Variants in BMPR1A observed in about 807,000 individuals in gnomAD.
BMPR1A encodes bone morphogenetic protein receptor type 1A.
BMPR1A carries 7 observed loss-of-function variants against 66.0 expected under a neutral mutation model. The ratio of observed to expected loss-of-function variants is 0.11; its 90% CI spans 0.06 to 0.20. BMPR1A has a LOEUF of 0.20. BMPR1A is among the 10% of genes least tolerant of loss of function. BMPR1A has a pLI of 1.00. For missense variants in BMPR1A, 408 were observed against 669.1 expected, an observed-to-expected ratio of 0.61 and a Z score of 4.31; for synonymous variants, 200 against 229.7, an observed-to-expected ratio of 0.87 and a Z score of 1.17.
At chr10:86,763,507 C>T (rs1417733109) in intron 1 of BMPR1A, among the ~76,000 whole-genome samples, 1 of 152,094 alleles carries the variant, frequency 6.6e-6, no homozygotes, top group Non-Finnish European at 1.5e-5. Context: ...TGACTTGCAG[C>T]ACAGTTAGCT....
rs183887956 is a variant in BMPR1A at position 86,783,664 on chromosome 10, C to T, written c.-268+26745C>T. Among the ~76,000 whole-genome samples the T allele has an allele frequency of 1.7e-3, 264 of 152,356 alleles. 1 individual carries two copies. The highest frequency in any genetic ancestry group is 5.8e-3 in the African/African-American group (242 of 41,582). ...AGTGCAGTGGCGTGATCATGGCTCACTGCCACCTCCCACTGCTGGGCTCAA... is the reference window on the plus strand; with the variant it reads ...AGTGCAGTGGCGTGATCATGGCTCATTGCCACCTCCCACTGCTGGGCTCAA... On this transcript the variant is annotated intron_variant, in intron 1 of 12. Transcript: ENST00000372037.
chr10:86,852,915 G>A (rs948975348), intron 2 of BMPR1A, among the ~76,000 whole-genome samples: 11 of 152,130 alleles, frequency 7.2e-5, no homozygotes, highest in African/African-American at 2.7e-4. Context: ...TGATAGAATT[G>A]GGGCTTGAAA....
Position 86,925,096 on chromosome 10 carries a change from A to T in BMPR1A, c.*1377A>T, listed in dbSNP as rs1463826646. The T allele has an allele frequency of 1.7e-5, 4 of 232,044 alleles. No homozygotes were observed. The allele number at this position is 232,044 out of a possible 1,614,324, so 14.4% of individuals were successfully genotyped here. A position where few individuals can be genotyped will look rare whatever the true frequency, so the allele number is the denominator to read the frequency against. On this transcript the variant is annotated 3_prime_UTR_variant, in exon 13 of 13. Transcript: ENST00000372037. ...TTCTATTCCCTAACTTGTGAAGACA[A>T]TGAAAAATCAGGCAGAAATATTTAG...
intron 1 of BMPR1A, among the ~76,000 whole-genome samples, chr10:86,828,994 G>C (rs1240687858): frequency 1.3e-5 from 2 of 152,118 alleles, no homozygotes; most frequent in East Asian, 1.9e-4. Context: ...CTGGGGTTCA[G>C]TCTGTTGCGG....
chr10:86,847,233 A>G (rs540069940), intron 2 of BMPR1A, among the ~76,000 whole-genome samples: 1 of 152,222 alleles, frequency 6.6e-6, no homozygotes, highest in East Asian at 1.9e-4. Flanking sequence ...AGCATGCCAC[A>G]AGGTTTTCAG....
intron 1 of BMPR1A, among the ~76,000 whole-genome samples, chr10:86,837,979 C>A (rs1238696539): frequency 6.6e-6 from 1 of 152,174 alleles, no homozygotes; most frequent in East Asian, 1.9e-4. Flanking sequence ...TCTAAATGGA[C>A]TTGAAGACAA....
chr10:86,911,832 CT>C (rs781201766), intron 7 of BMPR1A, among the ~76,000 whole-genome samples: 35 of 152,054 alleles, frequency 2.3e-4, no homozygotes, highest in Non-Finnish European at 3.4e-4. Context: ...TTCAATTTTG[CT>C]AGTAACCAGA....
intron 3 of BMPR1A, among the ~76,000 whole-genome samples, chr10:86,877,845 C>A (rs575800503): frequency 3.9e-5 from 6 of 152,094 alleles, no homozygotes; most frequent in Non-Finnish European, 7.4e-5. Context: ...CTGTTTAGAT[C>A]ACACGTAGGC....
At chr10:86,823,519 C>T (rs1331916029) in intron 1 of BMPR1A, among the ~76,000 whole-genome samples, 2 of 152,222 alleles carry the variant, frequency 1.3e-5, no homozygotes, top group Non-Finnish European at 2.9e-5. Flanking sequence ...TCTTTACTTC[C>T]TAAAGAATGG....
chr10:86,912,308 T>C lies in BMPR1A; in HGVS notation c.599T>C (p.Ile200Thr). ...NRDLEQDEAF[I>T]PVGESLKDLI... ...GATTTGGAACAGGATGAAGCATTTATTCCAGTTGGAGAATCACTAAAAGAC... is the reference window on the plus strand; with the variant it reads ...GATTTGGAACAGGATGAAGCATTTACTCCAGTTGGAGAATCACTAAAAGAC... The change falls in exon 8 of 13, where the codon ATT becomes ACT. Residue 200 changes from isoleucine (I) to threonine (T), a missense_variant. By Grantham distance (89) the Ile-to-Thr change is moderately conservative (BLOSUM62 -1). Around this residue, in one of 5 missense-constraint regions of BMPR1A, gnomAD observed 174 missense variants for 265.1 expected, o/e 0.66. Coordinates refer to ENST00000372037, the MANE Select transcript of BMPR1A (RefSeq NM_004329.3). The C allele has an allele frequency of 1.2e-6, 2 of 1,614,052 alleles. No homozygotes were observed. Among genetic ancestry groups the C allele is most frequent in the Non-Finnish European group, 1.7e-6 (2 of 1,179,966 alleles).
At chr10:86,813,811 A>G (rs1221231713) in intron 1 of BMPR1A, among the ~76,000 whole-genome samples, 2 of 152,112 alleles carry the variant, frequency 1.3e-5, no homozygotes, top group Non-Finnish European at 2.9e-5. Context: ...GTATCCCTCT[A>G]TCTACATGGG....
At chr10:86,779,652 T>A (rs1239967760) in intron 1 of BMPR1A, among the ~76,000 whole-genome samples, 2 of 152,204 alleles carry the variant, frequency 1.3e-5, no homozygotes, top group Non-Finnish European at 2.9e-5. Flanking sequence ...CAGGCTGGAA[T>A]GCTGTGGCCT....
chr10:86,845,154 G>A lies in BMPR1A; in HGVS notation c.-153+6175G>A, dbSNP rs116312155. On this transcript the variant is annotated intron_variant, in intron 2 of 12. Transcript: ENST00000372037. ...TAGTTTGTGTTCCCTTGAAAGAAGAGCCTGAGAAAAAGACTTACTGGCTGA... is the reference window on the plus strand; with the variant it reads ...TAGTTTGTGTTCCCTTGAAAGAAGAACCTGAGAAAAAGACTTACTGGCTGA... Among the ~76,000 whole-genome samples the A allele has an allele frequency of 5.6e-3, 853 of 152,312 alleles. 9 individuals carry two copies. The highest frequency in any genetic ancestry group is 0.02 in the African/African-American group (819 of 41,572).
chr10:86,876,115 G>A (rs769464549), intron 3 of BMPR1A, 30 bp downstream of exon 3: 5 of 1,569,958 alleles, frequency 3.2e-6, no homozygotes, highest in South Asian at 1.1e-5. Flanking sequence ...AGTAATGTAT[G>A]TGTGTATATA....
intron 3 of BMPR1A, among the ~76,000 whole-genome samples, chr10:86,881,565 A>G (rs979119421): frequency 6.6e-6 from 1 of 152,240 alleles, no homozygotes; most frequent in African/African-American, 2.4e-5. Flanking sequence ...TCAGCGCTCA[A>G]TAGACACATG....
Position 86,890,073 on chromosome 10 carries a change from G to A in BMPR1A, c.79G>A (p.Asp27Asn). Residue 27 changes from aspartate (D) to asparagine (N), a missense_variant, in exon 4 of 13, where the codon GAT (aspartate) becomes AAT (asparagine). Physicochemically the swap from Asp to Asn is conservative, Grantham distance 23 (BLOSUM62 1). Coordinates refer to ENST00000372037, the MANE Select transcript of BMPR1A (RefSeq NM_004329.3). Reference sequence around the variant, plus strand: ...ATATTTGAATGCAGGACAGAATCTGGATAGTATGCTTCATGGCACTGGGAT... The same window carrying A: ...ATATTTGAATGCAGGACAGAATCTGAATAGTATGCTTCATGGCACTGGGAT... ...IISRVQGQNL[D>N]SMLHGTGMKS... 1 of 1,613,016 alleles carries A rather than the reference G, an allele frequency of 6.2e-7. No individual in the cohort carries two copies.
intron 1 of BMPR1A, among the ~76,000 whole-genome samples, chr10:86,822,718 C>A (rs1842138217): frequency 6.6e-6 from 1 of 151,970 alleles, no homozygotes. Context: ...CTCACTGCAA[C>A]CTCTGCCTCC....
chr10:86,877,277 G>A (rs562612616), intron 3 of BMPR1A, among the ~76,000 whole-genome samples: 4 of 148,858 alleles, frequency 2.7e-5, no homozygotes, highest in South Asian at 4.2e-4. Context: ...GCGCCATCTC[G>A]GCTCACTGCA....
chr10:86,757,682 TAACA>T (rs1387905376), intron 1 of BMPR1A, among the ~76,000 whole-genome samples: 2 of 152,228 alleles, frequency 1.3e-5, no homozygotes, highest in East Asian at 3.8e-4. Context: ...TTTAAGCGGT[TAACA>T]AACTGTTCAG....
Sources: allele counts gnomAD v4.1 joint callset (sites outside exome capture counted in the v4.1 genomes callset), GRCh38; gene constraint gnomAD v4.1.1; regional missense constraint gnomAD v4.1.1; transcripts MANE v1.5; gene names NCBI Gene and HGNC (gene_info 2026-07-23, HGNC 2026-07-21).